WNK1: variants seen among roughly 807,000 people sequenced by gnomAD.
The protein encoded by WNK1 is WNK lysine deficient protein kinase 1, also known as serine/threonine-protein kinase WNK1.
Under a neutral mutation model 222.8 loss-of-function variants are expected in WNK1, and 38 were observed. The ratio of observed to expected loss-of-function variants is 0.17; its 90% CI spans 0.13 to 0.22. WNK1 has a LOEUF of 0.22. Among genes scored for constraint, WNK1 ranks in the 10% least tolerant of loss-of-function variants. WNK1 has a pLI of 1.00. For missense variants in WNK1, 2,348 were observed against 2,918.4 expected (o/e 0.80, Z 4.50); for synonymous variants, 1,090 against 1,092.9 (o/e 1.00, Z 0.05).
rs1401495953 is a variant in WNK1, at chr12:890,453, C to G, written c.5449C>G (p.Pro1817Ala). The G allele has an allele frequency of 1.2e-6, 2 of 1,614,090 alleles. No homozygotes were observed. Among genetic ancestry groups the G allele is most frequent in the South Asian group, 2.2e-5 (2 of 91,074 alleles). The change falls in exon 22 of 28, where the codon CCT becomes GCT. Residue 1817 changes from proline to alanine, a missense_variant and splice_region_variant. Around this residue, in one of 13 missense-constraint regions of WNK1, gnomAD observed 1,144 missense variants for 1,273.6 expected, o/e 0.90. Coordinates refer to ENST00000315939, the MANE Select transcript of WNK1 (RefSeq NM_018979.4). ...EMITVTSAVG[P>A]VSMAAPTAIT... Reference sequence around the variant, plus strand: ...GTGTCTGTCTGTGTGTGTTTTACAGCCTGTGTCCATGGCGGCTCCAACAGC... The same window carrying G: ...GTGTCTGTCTGTGTGTGTTTTACAGGCTGTGTCCATGGCGGCTCCAACAGC...
At chr12:901,556 C>T in intron 26 of WNK1, 1 of 1,288,506 alleles carries the variant, frequency 7.8e-7, no homozygotes, top group South Asian at 1.2e-5. Flanking sequence ...TTTCCCCTCT[C>T]ACAGGCTGTG....
intron 1 of WNK1, among the ~76,000 whole-genome samples, chr12:807,546 C>T (rs1415594358): frequency 1.3e-5 from 2 of 151,890 alleles, no homozygotes; most frequent in Admixed American, 6.6e-5. Flanking sequence ...AGTTTCAGTG[C>T]TAATAACTCC....
chr12:753,638 C>T lies in WNK1; in HGVS notation c.73C>T (p.Pro25Ser), dbSNP rs1426927147. 2 of 1,612,740 alleles carry T rather than the reference C, an allele frequency of 1.2e-6. No homozygotes were observed. Among genetic ancestry groups the T allele is most frequent in the Non-Finnish European group, 1.7e-6 (2 of 1,179,922 alleles). Residue 25 changes from proline (P) to serine (S), a missense_variant, in exon 1 of 28, where the codon CCC (proline) becomes TCC (serine). Pro to Ser is a moderately conservative substitution (Grantham distance 74). This residue lies in a region of WNK1 where 108 missense variants were observed against 109.7 expected (regional missense o/e 0.98). Coordinates refer to ENST00000315939, the MANE Select transcript of WNK1 (RefSeq NM_018979.4). This position sits in a 1 kb window ranked among gnomAD's most constrained non-coding sequence, Gnocchi z 5.2. ...GTTCCTCTCGCCGCCGGCTCCTGCC[C>T]CCAAGAATGGCTCCAGCTCCGATTC... The part of the protein sequence containing the change: ...SLFLSPPAPA[P>S]KNGSSSDSSV...
chr12:860,428 A>G (rs536208363), intron 6 of WNK1, among the ~76,000 whole-genome samples: 1 of 152,348 alleles, frequency 6.6e-6, no homozygotes, highest in South Asian at 2.1e-4. Flanking sequence ...ATAACTCAGA[A>G]TATCTCTACT....
At chr12:879,530 T>C in intron 10 of WNK1, 43 bp from the exon 11 acceptor site, 1 of 1,099,968 alleles carries the variant, frequency 9.1e-7, no homozygotes. Context: ...TTTTTTTTTT[T>C]TTTTTTTAAG....
intron 1 of WNK1, among the ~76,000 whole-genome samples, chr12:807,073 T>C (rs957339865): frequency 6.6e-6 from 1 of 151,368 alleles, no homozygotes; most frequent in East Asian, 1.9e-4. Flanking sequence ...GAAAGAGGGA[T>C]AGAAAGGTTA....
At position 811,449 on chromosome 12, in the gene WNK1, T is replaced by G. The variant is rs76641568; in HGVS notation, c.760-2193T>G. On this transcript the variant is annotated intron_variant, in intron 1 of 27. Coordinates refer to ENST00000315939, the MANE Select transcript of WNK1 (RefSeq NM_018979.4). ...CAAATCTTCATTTGTCTCTTAGTTC[T>G]GTTTTTCATGTGAATTTGAGGGAGA... is the stretch of plus-strand genomic sequence containing the variant. 7.9e-4 allele frequency among the ~76,000 whole-genome samples: 120 copies of G among 152,324 alleles called. 2 individuals carry two copies. In the East Asian group the frequency reaches 0.021, roughly 27 times the overall value.
intron 4 of WNK1, chr12:851,762 C>A: frequency 1.5e-6 from 2 of 1,346,468 alleles, no homozygotes; most frequent in South Asian, 2.3e-5. Context: ...CTGCTGCCCT[C>A]AAAAGGATTG....
intron 1 of WNK1, among the ~76,000 whole-genome samples, chr12:793,519 G>T (rs985484528): frequency 2.0e-5 from 3 of 152,110 alleles, no homozygotes; most frequent in African/African-American, 7.2e-5. Flanking sequence ...GTTGATAACA[G>T]TTTTCAAAAG....
Position 908,853 on chromosome 12 carries a change from G to GTTGGTTT in WNK1, c.*61_*62insTTGGTTT. On this transcript the variant is annotated 3_prime_UTR_variant, in exon 28 of 28. Coordinates refer to ENST00000315939, the MANE Select transcript of WNK1 (RefSeq NM_018979.4). ...GAGATGGAATGCTGAGGGGGTGGGT[G>GTTGGTTT]GGGGTGGGAAGTAGCCTATATACTA... The GTTGGTTT allele has an allele frequency of 7.7e-7, 1 of 1,299,178 alleles. No homozygotes were observed. The highest frequency in any genetic ancestry group is 1.1e-6 in the Non-Finnish European group (1 of 904,286). The allele number at this position is 1,299,178 out of a possible 1,614,324, so 80.5% of individuals were successfully genotyped here. A position where few individuals can be genotyped will look rare whatever the true frequency, so the allele number is the denominator to read the frequency against.
intron 22 of WNK1, among the ~76,000 whole-genome samples, chr12:892,247 A>G (rs1207289659): frequency 6.6e-6 from 1 of 151,664 alleles, no homozygotes; most frequent in African/African-American, 2.4e-5. Context: ...ATTTTTTTCA[A>G]CTATCTAGAG....
chr12:911,133 TAAC>T lies in WNK1; in HGVS notation c.*2344_*2346del, dbSNP rs1319854033. On this transcript the variant is annotated 3_prime_UTR_variant, in exon 28 of 28. Coordinates refer to ENST00000315939, the MANE Select transcript of WNK1 (RefSeq NM_018979.4). ...TGATTTCATCCTCCTGTGTATGAAA[TAAC>T]AAGCCTAGAGGAATGAACTAGTGCT... The T allele has an allele frequency of 2.5e-6, 1 of 396,098 alleles. No homozygotes were observed. The highest frequency in any genetic ancestry group is 2.1e-5 in the African/African-American group (1 of 48,604). The allele number at this position is 396,098 out of a possible 1,614,324, so 24.5% of individuals were successfully genotyped here.
intron 2 of WNK1, among the ~76,000 whole-genome samples, chr12:825,819 T>C (rs1948315367): frequency 6.8e-6 from 1 of 147,790 alleles, no homozygotes; most frequent in South Asian, 2.1e-4. Context: ...TAACCAATCA[T>C]GTGTGTATTT....
intron 1 of WNK1, among the ~76,000 whole-genome samples, chr12:796,554 G>T (rs1945330375): frequency 6.6e-6 from 1 of 152,208 alleles, no homozygotes; most frequent in South Asian, 2.1e-4. Flanking sequence ...GGGATTACAG[G>T]CATGAGCCAC....
At chr12:875,593 A>G (rs905210931) in intron 9 of WNK1, among the ~76,000 whole-genome samples, 1 of 152,220 alleles carries the variant, frequency 6.6e-6, no homozygotes, top group Admixed American at 6.5e-5. Context: ...AGATGTCAAT[A>G]TAAGGGTTAC....
Position 896,115 on chromosome 12 carries a change from G to A in WNK1, c.5628G>A (p.Lys1876=), listed in dbSNP as rs953497593. ...GTGCCCAGAAAGAGGGTAAAAATAA[G>A]TCAGAAGATGCAAAGTCTGTTCATT... is the stretch of plus-strand genomic sequence containing the variant. ...ADGAQKEGKN[K]SEDAKSVHFE... The change falls in exon 24 of 28, where the codon AAG becomes AAA. Residue 1876 remains lysine (K), a synonymous_variant. Coordinates refer to ENST00000315939, the MANE Select transcript of WNK1 (RefSeq NM_018979.4). 6.2e-7 allele frequency: 1 copy of A among 1,614,106 alleles called. No homozygotes were observed. The highest frequency in any genetic ancestry group is 1.3e-5 in the African/African-American group (1 of 74,926).
intron 3 of WNK1, among the ~76,000 whole-genome samples, chr12:828,368 A>G (rs538723470): frequency 6.6e-6 from 1 of 152,306 alleles, no homozygotes; most frequent in Non-Finnish European, 1.5e-5. Flanking sequence ...ATGACAATTC[A>G]TTCTGAAAAG....
rs1167555017 is a variant in WNK1, at chr12:896,206, C to G, written c.5719C>G (p.Pro1907Ala). 6.2e-7 allele frequency: 1 copy of G among 1,614,180 alleles called. No homozygotes were observed. Among genetic ancestry groups the G allele is most frequent in the Non-Finnish European group, 8.5e-7 (1 of 1,180,050 alleles). The change falls in exon 24 of 28, where the codon CCA becomes GCA. Residue 1907 changes from proline (P) to alanine (A), a missense_variant. By Grantham distance (27) the Pro-to-Ala change is conservative. Around this residue, in one of 13 missense-constraint regions of WNK1, gnomAD observed 1,144 missense variants for 1,273.6 expected, o/e 0.90. Coordinates refer to ENST00000315939, the MANE Select transcript of WNK1 (RefSeq NM_018979.4). Reference protein sequence around the residue: ...SSSPESTLVKPEPNGITIPGI... With the variant: ...SSSPESTLVKAEPNGITIPGI... ...TAGTCCAGAGAGTACCTTGGTGAAA[C>G]CAGAGCCGAATGGCATAACCATCCC...
At chr12:845,183 C>T (rs1362521981) in intron 4 of WNK1, among the ~76,000 whole-genome samples, 2 of 152,122 alleles carry the variant, frequency 1.3e-5, no homozygotes, top group Non-Finnish European at 2.9e-5. Context: ...GCGTGAGCCA[C>T]CGCGCCCGGC....
Sources: allele counts gnomAD v4.1 joint callset (sites outside exome capture counted in the v4.1 genomes callset), GRCh38; gene constraint gnomAD v4.1.1; regional missense constraint gnomAD v4.1.1; non-coding constraint Gnocchi (gnomAD v3.1); transcripts MANE v1.5; gene names NCBI Gene and HGNC (gene_info 2026-07-23, HGNC 2026-07-21).